FAM220A: variants seen among roughly 807,000 people sequenced by gnomAD.
FAM220A encodes the protein protein FAM220A.
For missense variants in FAM220A, 392 were observed against 321.6 expected (o/e 1.22, Z -1.68); for synonymous variants, 141 against 130.7 (o/e 1.08, Z -0.54).
rs190726897 is a variant in FAM220A, at chr7:6,330,899, C to T, written c.256G>A (p.Val86Met). The change falls in exon 2 of 2, where the codon GTG becomes ATG. Residue 86 changes from valine (V) to methionine (M), a missense_variant. Transcript: ENST00000313324. ...LHSGGPVLPY[V>M]RESVRRNPAS... Reference sequence around the variant, plus strand: ...GGATTTCTTCTTACTGATTCTCTCACATATGGAAGCACTGGGCCGCCACTG... The same window carrying T: ...GGATTTCTTCTTACTGATTCTCTCATATATGGAAGCACTGGGCCGCCACTG... 12 of 1,614,226 alleles carry T rather than the reference C, an allele frequency of 7.4e-6. No individual in the cohort carries two copies. In the Admixed American group the frequency reaches 1.0e-4, roughly 13 times the overall value.
intron 1 of FAM220A, among the ~76,000 whole-genome samples, chr7:6,346,204 G>C (rs549852764): frequency 1.3e-5 from 2 of 152,166 alleles, no homozygotes; most frequent in African/African-American, 4.8e-5. Context: ...AGGCCTTCTC[G>C]TTTACCAGTC....
intron 1 of FAM220A, among the ~76,000 whole-genome samples, chr7:6,345,214 C>T (rs1781932069): frequency 1.3e-5 from 2 of 150,932 alleles, no homozygotes; most frequent in African/African-American, 4.9e-5. Flanking sequence ...GCCTCCTTGG[C>T]TCAAGCGATC....
intron 1 of FAM220A, among the ~76,000 whole-genome samples, chr7:6,341,717 G>A (rs930718455): frequency 8.6e-5 from 13 of 150,942 alleles, no homozygotes; most frequent in African/African-American, 2.7e-4. Flanking sequence ...ATGAGTGCGC[G>A]CCAGGTGCAG....
intron 1 of FAM220A, among the ~76,000 whole-genome samples, chr7:6,347,902 T>TTATTATTATTA (rs1781985012): frequency 6.9e-6 from 1 of 145,928 alleles, no homozygotes; most frequent in African/African-American, 2.5e-5. Flanking sequence ...ATTATTATTA[T>TTATTATTATTA]TATTATTATT....
chr7:6,337,860 G>C (rs1781775936), intron 1 of FAM220A, among the ~76,000 whole-genome samples: 1 of 151,466 alleles, frequency 6.6e-6, no homozygotes, highest in Admixed American at 6.6e-5. Context: ...CTGGAGTGCA[G>C]TGGTGCAATC....
chr7:6,345,986 C>T (rs539730621), intron 1 of FAM220A, among the ~76,000 whole-genome samples: 1 of 152,164 alleles, frequency 6.6e-6, no homozygotes, highest in Non-Finnish European at 1.5e-5. Context: ...CCAGGCTGGT[C>T]TTAAACTCCT....
chr7:6,336,933 C>T (rs147916470), intron 1 of FAM220A, among the ~76,000 whole-genome samples: 17 of 152,208 alleles, frequency 1.1e-4, no homozygotes, highest in South Asian at 2.1e-4. Flanking sequence ...GAATTACAGG[C>T]GTGAGCCACC....
At chr7:6,348,445 C>A in intron 1 of FAM220A, 128 bp downstream of exon 1, 1 of 397,262 alleles carries the variant, frequency 2.5e-6, no homozygotes. Context: ...TAGGGTCGCA[C>A]GGGAAAATGC....
chr7:6,340,620 GTGCT>G (rs1258604692), intron 1 of FAM220A, among the ~76,000 whole-genome samples: 1 of 152,052 alleles, frequency 6.6e-6, no homozygotes, highest in African/African-American at 2.4e-5. Flanking sequence ...AAAATTATGA[GTGCT>G]GGCTGGGCAT....
At position 6,348,893 on chromosome 7, in the gene FAM220A, G is replaced by C. The variant is rs1014768099; in HGVS notation, c.-402C>G. 74 of 387,978 alleles carry C rather than the reference G, an allele frequency of 1.9e-4. No homozygotes were observed. Among genetic ancestry groups the C allele is most frequent in the African/African-American group, 1.4e-3 (66 of 48,204 alleles). The allele number at this position is 387,978 out of a possible 1,614,324, so 24.0% of individuals were successfully genotyped here. ...ACCGGCGGGCGGGCGGGCCGCAGTG[G>C]AGCGGAGTCCGCACGTCACGCTCGG... On this transcript the variant is annotated 5_prime_UTR_variant, in exon 1 of 2. Coordinates refer to ENST00000313324, the MANE Select transcript of FAM220A (RefSeq NM_001037163.2).
chr7:6,348,206 G>A (rs1245321733), intron 1 of FAM220A, among the ~76,000 whole-genome samples: 1 of 141,438 alleles, frequency 7.1e-6, no homozygotes, highest in East Asian at 2.4e-4. Context: ...GCGCCCGGCC[G>A]AGACCCGTCT....
intron 1 of FAM220A, among the ~76,000 whole-genome samples, chr7:6,331,711 C>A (rs946129399): frequency 6.6e-6 from 1 of 151,454 alleles, no homozygotes; most frequent in Non-Finnish European, 1.5e-5. Flanking sequence ...CTTAGTTCCC[C>A]ACCCTCAAAT....
At chr7:6,347,883 T>TTATTATTATTATTA (rs1781983746) in intron 1 of FAM220A, among the ~76,000 whole-genome samples, 15 of 131,534 alleles carry the variant, frequency 1.1e-4, no homozygotes, top group African/African-American at 3.9e-4. Flanking sequence ...ACGAGACCCC[T>TTATTATTATTATTA]TTATTATTAT....
chr7:6,342,177 TCTTTC>T (rs1367829987), intron 1 of FAM220A, among the ~76,000 whole-genome samples: 1 of 152,146 alleles, frequency 6.6e-6, no homozygotes, highest in African/African-American at 2.4e-5. Context: ...AGCTTCATTT[TCTTTC>T]CTTTCTTTTT....
At chr7:6,343,429 T>C (rs936907998) in intron 1 of FAM220A, among the ~76,000 whole-genome samples, 9 of 95,778 alleles carry the variant, frequency 9.4e-5, no homozygotes, top group Non-Finnish European at 1.7e-4. Context: ...TATATATATA[T>C]ATATATATAT....
In FAM220A at chr7:6,337,096, GTCTC is replaced by G. The variant is rs553852687; in HGVS notation, c.-81-5865_-81-5862del. On this transcript the variant is annotated intron_variant, in intron 1 of 1. Coordinates refer to ENST00000313324, the MANE Select transcript of FAM220A (RefSeq NM_001037163.2). Reference sequence around the variant, plus strand: ...TTCTTTTTTTTTTTTTGAGACAAGAGTCTCTCTCTGTCTCGCCCAGGCTGGAGTG... The same window carrying G: ...TTCTTTTTTTTTTTTTGAGACAAGAGTCTCTGTCTCGCCCAGGCTGGAGTG... Among the ~76,000 whole-genome samples the G allele has an allele frequency of 2.9e-3, 426 of 148,212 alleles. 3 individuals are homozygous for G. The highest frequency in any genetic ancestry group is 9.9e-3 in the African/African-American group (400 of 40,512).
intron 1 of FAM220A, among the ~76,000 whole-genome samples, chr7:6,342,455 C>G (rs576315424): frequency 6.6e-6 from 1 of 151,990 alleles, no homozygotes; most frequent in Non-Finnish European, 1.5e-5. Flanking sequence ...AGGAGAATCA[C>G]TTGAACCCAG....
chr7:6,331,041 A>G lies in FAM220A; in HGVS notation c.114T>C (p.Pro38=). 1 of 1,613,984 alleles carries G rather than the reference A, an allele frequency of 6.2e-7. No individual in the cohort carries two copies. Among genetic ancestry groups the G allele is most frequent in the Non-Finnish European group, 8.5e-7 (1 of 1,180,030 alleles). ...CSLKKRMPEG[P]WPADAPSWMN... ...TCCAGGAGGGTGCATCTGCAGGCCAAGGGCCCTCCGGCATTCTTTTCTTAA... is the reference window on the plus strand; with the variant it reads ...TCCAGGAGGGTGCATCTGCAGGCCAGGGGCCCTCCGGCATTCTTTTCTTAA... Residue 38 remains proline, a synonymous_variant, in exon 2 of 2, where the codon CCT becomes CCC. Coordinates refer to ENST00000313324, the MANE Select transcript of FAM220A (RefSeq NM_001037163.2).
At chr7:6,342,871 G>T (rs1306264821) in intron 1 of FAM220A, among the ~76,000 whole-genome samples, 1 of 151,322 alleles carries the variant, frequency 6.6e-6, no homozygotes, top group African/African-American at 2.4e-5. Flanking sequence ...ACCCCATCTA[G>T]AAACAAAATG....
Sources: allele counts gnomAD v4.1 joint callset (sites outside exome capture counted in the v4.1 genomes callset), GRCh38; gene constraint gnomAD v4.1.1; transcripts MANE v1.5; gene names NCBI Gene and HGNC (gene_info 2026-07-23, HGNC 2026-07-21).